KTN1: variants seen among roughly 807,000 people sequenced by gnomAD.
KTN1 encodes the protein kinectin 1.
Under a neutral mutation model 222.5 loss-of-function variants are expected in KTN1, and 130 were observed. That is an observed-to-expected ratio of 0.58 (90% CI 0.51 to 0.68). The LOEUF (loss-of-function observed/expected upper bound fraction) is 0.68. KTN1 is among the 30% of genes least tolerant of loss of function. The pLI, the probability that KTN1 is intolerant of heterozygous loss-of-function variation, is 0.00. For synonymous variants in KTN1, 512 were observed against 496.3 expected, an observed-to-expected ratio of 1.03 and a Z score of -0.42; for missense variants, 1,508 against 1,500.4, an observed-to-expected ratio of 1.01 and a Z score of -0.08.
At chr14:55,668,230 A>C (rs1404796392) in intron 34 of KTN1, 2 of 152,064 alleles carry the variant, frequency 1.3e-5, no homozygotes, top group African/African-American at 4.8e-5. Flanking sequence ...TGTTTTATTA[A>C]ATAATAACTT....
rs1004804100 is a variant in KTN1 at position 55,580,525 on chromosome 14, C to T, written c.-31+171C>T. On this transcript the variant is annotated intron_variant, in intron 1 of 43. Coordinates refer to ENST00000395314, the MANE Select transcript of KTN1 (RefSeq NM_001079521.2). Reference sequence around the variant, plus strand: ...GTAGGCCTCGGGCATCCGGTTGCCGCCGCGGGGCTCTTGTTGGGGCCGGGA... The same window carrying T: ...GTAGGCCTCGGGCATCCGGTTGCCGTCGCGGGGCTCTTGTTGGGGCCGGGA... 2.6e-3 allele frequency among the ~76,000 whole-genome samples: 394 copies of T among 149,690 alleles called. 2 individuals carry two copies. Among genetic ancestry groups the T allele is most frequent in the Non-Finnish European group, 4.1e-3 (274 of 67,230 alleles).
chr14:55,651,834 T>C, intron 24 of KTN1, 56 bp from the exon 25 acceptor site: 1 of 1,141,774 alleles, frequency 8.8e-7, no homozygotes, highest in Non-Finnish European at 1.3e-6. Context: ...CTTATAAAGC[T>C]TAATAAGTTA....
chr14:55,598,840 A>G (rs1274687524), intron 1 of KTN1, among the ~76,000 whole-genome samples: 1 of 152,194 alleles, frequency 6.6e-6, no homozygotes, highest in East Asian at 1.9e-4. Flanking sequence ...TATTCTGTTC[A>G]AATTTTGTTG....
intron 1 of KTN1, among the ~76,000 whole-genome samples, chr14:55,580,659 C>T (rs1187166403): frequency 6.6e-6 from 1 of 152,006 alleles, no homozygotes; most frequent in Non-Finnish European, 1.5e-5. Flanking sequence ...ACACCCCCCA[C>T]CCTCCCCAAG....
intron 33 of KTN1, among the ~76,000 whole-genome samples, chr14:55,665,777 A>C (rs920717765): frequency 1.3e-5 from 2 of 152,040 alleles, no homozygotes; most frequent in African/African-American, 4.8e-5. Flanking sequence ...CCAGATGTTA[A>C]AGTGGAATGG....
chr14:55,616,485 A>G (rs762987183), intron 2 of KTN1, 32 bp from the exon 3 acceptor site: 3 of 1,543,956 alleles, frequency 1.9e-6, no homozygotes, highest in Middle Eastern at 1.7e-4. Context: ...ATTGTTTGCC[A>G]CAATTATTTT....
rs776126009 is a variant in KTN1 at position 55,612,293 on chromosome 14, G to C, written c.245G>C (p.Arg82Pro). 3 of 1,613,242 alleles carry C rather than the reference G, an allele frequency of 1.9e-6. No individual in the cohort carries two copies. The East Asian group carries it at 6.7e-5, about 36-fold the overall frequency. The change falls in exon 2 of 44, where the codon CGA becomes CCA. Residue 82 changes from arginine (R) to proline (P), a missense_variant. Coordinates refer to ENST00000395314, the MANE Select transcript of KTN1 (RefSeq NM_001079521.2). The stretch of plus-strand genomic sequence containing the variant: ...GAATCCGACTCTGAGAGTGTACCTC[G>C]AGACTTTAAATTATCAGATGCTTTG... ...LHESDSESVPRDFKLSDALAV... is the reference protein window; with the variant it reads ...LHESDSESVPPDFKLSDALAV...
intron 33 of KTN1, among the ~76,000 whole-genome samples, chr14:55,665,746 G>C (rs2044664529): frequency 6.6e-6 from 1 of 151,986 alleles, no homozygotes; most frequent in Admixed American, 6.6e-5. Flanking sequence ...TTATAGTTCA[G>C]TTTTCAATAT....
At chr14:55,671,387 A>ATG in intron 35 of KTN1, 179 bp from the exon 36 acceptor site, 1 of 568,824 alleles carries the variant, frequency 1.8e-6, no homozygotes, top group Non-Finnish European at 3.1e-6. Flanking sequence ...TTTAATAAAA[A>ATG]TGACCAAAAG....
chr14:55,675,811 T>G (rs959099513), intron 40 of KTN1, 24 bp from the exon 41 acceptor site: 7 of 1,467,456 alleles, frequency 4.8e-6, no homozygotes, highest in Non-Finnish European at 6.7e-6. Context: ...TTAAGTTAAT[T>G]GTGGTGTTCC....
intron 7 of KTN1, among the ~76,000 whole-genome samples, chr14:55,631,774 C>T (rs889881103): frequency 5.9e-5 from 9 of 151,932 alleles, no homozygotes; most frequent in Non-Finnish European, 1.0e-4. Context: ...GAGACCCTGT[C>T]TCAAAAAACA....
At chr14:55,667,104 A>T in intron 33 of KTN1, 137 bp from the exon 34 acceptor site, 1 of 568,588 alleles carries the variant, frequency 1.8e-6, no homozygotes, top group Non-Finnish European at 3.0e-6. Flanking sequence ...GGGAAATTTT[A>T]ATATTTGTTA....
chr14:55,584,684 G>A (rs144521449), intron 1 of KTN1, among the ~76,000 whole-genome samples: 1 of 152,066 alleles, frequency 6.6e-6, no homozygotes, highest in Non-Finnish European at 1.5e-5. Flanking sequence ...TAATTTCCTG[G>A]TTGTGTTTAT....
intron 1 of KTN1, among the ~76,000 whole-genome samples, chr14:55,600,549 C>CAA (rs2035817328): frequency 6.6e-6 from 1 of 152,144 alleles, no homozygotes; most frequent in Admixed American, 6.5e-5. Flanking sequence ...CCCTGCTTTT[C>CAA]AAACATAGGC....
chr14:55,653,729 G>A (rs373948358), intron 28 of KTN1, 133 bp downstream of exon 28: 132 of 611,294 alleles, frequency 2.2e-4, no homozygotes, highest in Non-Finnish European at 3.0e-4. Context: ...AATTCCAGAC[G>A]CAAATAGGCT....
At chr14:55,613,177 A>G (rs529499805) in intron 2 of KTN1, among the ~76,000 whole-genome samples, 25 of 152,350 alleles carry the variant, frequency 1.6e-4, no homozygotes, top group African/African-American at 5.8e-4. Flanking sequence ...CTAGCTGTAG[A>G]CACAGATAGG....
chr14:55,636,574 A>G (rs1319397687), intron 10 of KTN1, 38 bp downstream of exon 10: 1 of 1,501,058 alleles, frequency 6.7e-7, no homozygotes, highest in Non-Finnish European at 9.1e-7. Context: ...TTTGTATATA[A>G]TTTTGGGTAA....
intron 5 of KTN1, among the ~76,000 whole-genome samples, chr14:55,620,269 C>T (rs1334082644): frequency 2.0e-5 from 3 of 152,176 alleles, no homozygotes; most frequent in Non-Finnish European, 4.4e-5. Flanking sequence ...CTTTCATGGG[C>T]TGGCGTTGAG....
At chr14:55,677,188 T>G (rs2045949661) in intron 41 of KTN1, among the ~76,000 whole-genome samples, 1 of 152,240 alleles carries the variant, frequency 6.6e-6, no homozygotes, top group East Asian at 1.9e-4. Flanking sequence ...AAAAAAAGTT[T>G]ATAACGGCTG....
Sources: gnomAD v4.1 joint callset for allele counts (sites outside exome capture counted in the v4.1 genomes callset) on GRCh38, gnomAD v4.1.1 for gene constraint, MANE v1.5 for transcripts, NCBI Gene and HGNC (gene_info 2026-07-23, HGNC 2026-07-21) for gene names.